The following IDH2 variants were observed in gnomAD, a reference collection of about 807,000 sequenced individuals.
The protein encoded by IDH2 is isocitrate dehydrogenase [NADP], mitochondrial.
Under a neutral mutation model 50.5 loss-of-function variants are expected in IDH2, and 18 were observed. That is an observed-to-expected ratio of 0.36 (90% confidence interval 0.25 to 0.53). The LOEUF is 0.53. Among genes scored for constraint, IDH2 ranks in the 20% least tolerant of loss-of-function variants. The pLI, the probability that IDH2 is intolerant of heterozygous loss-of-function variation, is 0.92. For synonymous variants in IDH2, 280 were observed against 239.8 expected, an observed-to-expected ratio of 1.17 and a Z score of -1.55; for missense variants, 518 against 610.7, an observed-to-expected ratio of 0.85 and a Z score of 1.60.
Position 90,084,779 on chromosome 15 carries a change from T to A in IDH2, c.1271+37A>T. 1 of 1,552,586 alleles carries A rather than the reference T, an allele frequency of 6.4e-7. No individual in the cohort carries two copies. Among genetic ancestry groups the A allele is most frequent in the Non-Finnish European group, 8.9e-7 (1 of 1,126,818 alleles). On this transcript the variant is annotated intron_variant, in intron 10 of 10. Coordinates refer to ENST00000330062, the MANE Select transcript of IDH2 (RefSeq NM_002168.4). The surrounding 1 kb of genome is among the most constrained non-coding windows in gnomAD (Gnocchi z 5.0). ...AGGGGTCCCCTGGCTTCCTCCCACATGGCCCCAGGGTCTGCCTACCACCCC... is the reference window on the plus strand; with the variant it reads ...AGGGGTCCCCTGGCTTCCTCCCACAAGGCCCCAGGGTCTGCCTACCACCCC...
At chr15:90,093,880 A>G (rs756053106) in intron 1 of IDH2, among the ~76,000 whole-genome samples, 10 of 149,688 alleles carry the variant, frequency 6.7e-5, no homozygotes, top group Non-Finnish European at 1.3e-4. Flanking sequence ...TTGGCCTCCC[A>G]AAGTGCTGGG....
rs753517179 is a variant in IDH2, at chr15:90,084,230, T to C, written c.*36A>G. 1.3e-5 allele frequency: 21 copies of C among 1,587,678 alleles called. No individual in the cohort carries two copies. Among genetic ancestry groups the C allele is most frequent in the South Asian group, 6.7e-5 (6 of 89,940 alleles). ...TCAGGAGGACCCGCCGGCTCAGCCC[T>C]GGCCCCTCCACTGCAGCCATGGGTG... On this transcript the variant is annotated 3_prime_UTR_variant, in exon 11 of 11. Transcript: ENST00000330062. This position sits in a 1 kb window ranked among gnomAD's most constrained non-coding sequence, Gnocchi z 5.0.
intron 3 of IDH2, among the ~76,000 whole-genome samples, 159 bp from the exon 4 acceptor site, chr15:90,088,906 ATTTTTTTT>A (rs57901991): frequency 4.1e-5 from 4 of 96,514 alleles, no homozygotes; most frequent in East Asian, 5.5e-4. Flanking sequence ...GAGTCTGCCA[ATTTTTTTT>A]TTTTTTTTTT....
chr15:90,097,611 A>G (rs1255967049), intron 1 of IDH2, among the ~76,000 whole-genome samples: 1 of 152,234 alleles, frequency 6.6e-6, no homozygotes, highest in African/African-American at 2.4e-5. Context: ...TGAGGTACCT[A>G]GAATAGTCAA....
At chr15:90,090,218 C>T (rs897353350) in intron 3 of IDH2, among the ~76,000 whole-genome samples, 17 of 152,170 alleles carry the variant, frequency 1.1e-4, no homozygotes, top group African/African-American at 3.9e-4. Context: ...GTGCCCTAAC[C>T]GTGGAACCTG....
At chr15:90,091,451 AC>A (rs1055052174) in intron 2 of IDH2, 101 bp downstream of exon 2, 46 of 800,168 alleles carry the variant, frequency 5.7e-5, no homozygotes, top group South Asian at 4.0e-4. Flanking sequence ...TACCAGGACA[AC>A]GGGGGGGTCC....
chr15:90,096,399 A>C (rs1901181139), intron 1 of IDH2, among the ~76,000 whole-genome samples: 1 of 152,212 alleles, frequency 6.6e-6, no homozygotes, highest in Non-Finnish European at 1.5e-5. Context: ...GATGCTCAAC[A>C]TCACTAATCA....
chr15:90,084,304 T>C lies in IDH2; in HGVS notation c.1321A>G (p.Ile441Val). 6.2e-7 allele frequency: 1 copy of C among 1,614,042 alleles called. No individual in the cohort carries two copies. Among genetic ancestry groups the C allele is most frequent in the Non-Finnish European group, 8.5e-7 (1 of 1,180,002 alleles). Residue 441 changes from isoleucine (I) to valine (V), a missense_variant, in exon 11 of 11, where the codon ATC becomes GTC. Transcript: ENST00000330062. The surrounding 1 kb of genome is among the most constrained non-coding windows in gnomAD (Gnocchi z 5.0). ...FLNTTDFLDT[I>V]KSNLDRALGR... Reference sequence around the variant, plus strand: ...AGGGCTCTGTCCAGGTTGCTCTTGATGGTGTCGAGGAAGTCCGTGGTGTTC... The same window carrying C: ...AGGGCTCTGTCCAGGTTGCTCTTGACGGTGTCGAGGAAGTCCGTGGTGTTC...
rs769970669 is a variant in IDH2, at chr15:90,091,606, C to A, written c.154G>T (p.Glu52Ter). 1 of 1,614,092 alleles carries A rather than the reference C, an allele frequency of 6.2e-7. No individual in the cohort carries two copies. The highest frequency in any genetic ancestry group is 8.5e-7 in the Non-Finnish European group (1 of 1,180,030). ...KRIKVAKPVVEMDGDEMTRII... is the reference protein window; with the variant it reads ...KRIKVAKPVV ...CGGGTCATCTCATCACCATCCATCTCCACCACGGGCTTCGCCACCTTGATC... is the reference window on the plus strand; with the variant it reads ...CGGGTCATCTCATCACCATCCATCTACACCACGGGCTTCGCCACCTTGATC... Residue 52 changes from glutamate to a stop codon, truncating the protein, a stop_gained, in exon 2 of 11, where the codon GAG becomes TAG. Transcript: ENST00000330062. LOFTEE classifies it high-confidence loss of function.
chr15:90,087,176 C>A lies in IDH2; in HGVS notation c.903G>T (p.Ser301=), dbSNP rs371460407. Residue 301 remains serine (S), a synonymous_variant, in exon 7 of 11, where the codon TCG becomes TCT. Transcript: ENST00000330062. ...DDMVAQVLKS[S]GGFVWACKNY... ...TCTTGCAGGCCCACACAAAGCCACC[C>A]GAAGACTTGAGGACCTGAGCCACCA... The A allele has an allele frequency of 6.2e-7, 1 of 1,614,122 alleles. No homozygotes were observed. The highest frequency in any genetic ancestry group is 1.3e-5 in the African/African-American group (1 of 75,026).
intron 1 of IDH2, among the ~76,000 whole-genome samples, chr15:90,092,909 C>A (rs1901082108): frequency 6.6e-6 from 1 of 152,166 alleles, no homozygotes; most frequent in African/African-American, 2.4e-5. Flanking sequence ...GAGATGGAGT[C>A]TTGCCCTGTT....
chr15:90,088,676 G>A lies in IDH2; in HGVS notation c.445C>T (p.Arg149Trp), dbSNP rs777305434. ...IRNILGGTVFREPIICKNIPR... is the reference protein window; with the variant it reads ...IRNILGGTVFWEPIICKNIPR... ...ATGTTTTTGCAGATGATGGGCTCCC[G>A]GAAGACAGTCCCCCCCAGGATGTTC... Residue 149 changes from arginine (R) to tryptophan (W), a missense_variant, in exon 4 of 11, where the codon CGG becomes TGG. Around this residue, in one of 5 missense-constraint regions of IDH2, gnomAD observed 207 missense variants for 208.6 expected, o/e 0.99. Coordinates refer to ENST00000330062, the MANE Select transcript of IDH2 (RefSeq NM_002168.4). 8 of 1,613,970 alleles carry A rather than the reference G, an allele frequency of 5.0e-6. No homozygotes were observed. Among genetic ancestry groups the A allele is most frequent in the Non-Finnish European group, 6.8e-6 (8 of 1,180,010 alleles).
At chr15:90,095,472 T>TA (rs10622800) in intron 1 of IDH2, among the ~76,000 whole-genome samples, 5,942 of 143,406 alleles carry the variant, frequency 0.041, 318 homozygotes, top group African/African-American at 0.12. Flanking sequence ...TCAAATTTGT[T>TA]AAAAAAAAAA....
Position 90,085,471 on chromosome 15 carries a change from A to G in IDH2, c.968-84T>C. 2.2e-6 allele frequency: 2 copies of G among 918,858 alleles called. No individual in the cohort carries two copies. Among genetic ancestry groups the G allele is most frequent in the East Asian group, 5.3e-5 (2 of 38,082 alleles). 56.9% of individuals were successfully genotyped at this position (918,858 alleles called of 1,614,324 possible). ...GCCCTGCTGCCCTCTACAACCCAAT[A>G]TTGTAGCTGCCATAGTTCGTGGCTC... On this transcript the variant is annotated intron_variant, in intron 7 of 10. Coordinates refer to ENST00000330062, the MANE Select transcript of IDH2 (RefSeq NM_002168.4). The surrounding 1 kb of genome is among the most constrained non-coding windows in gnomAD (Gnocchi z 5.5).
chr15:90,089,426 G>A (rs1408417893), intron 3 of IDH2, among the ~76,000 whole-genome samples: 1 of 152,172 alleles, frequency 6.6e-6, no homozygotes, highest in Non-Finnish European at 1.5e-5. Context: ...CCGGGGGAAG[G>A]ACTTGTCTGA....
Position 90,087,805 on chromosome 15 carries a change from C to A in IDH2, c.679-230G>T, listed in dbSNP as rs62019175. Reference sequence around the variant, plus strand: ...TTTTTTTTTTTTTTGGAAAACACCGCCTTTTTTTTTTTTTTTTTGGAAACA... The same window carrying A: ...TTTTTTTTTTTTTTGGAAAACACCGACTTTTTTTTTTTTTTTTTGGAAACA... On this transcript the variant is annotated intron_variant, in intron 5 of 10. Coordinates refer to ENST00000330062, the MANE Select transcript of IDH2 (RefSeq NM_002168.4). Among the ~76,000 whole-genome samples, 17 of 142,798 alleles carry A rather than the reference C, an allele frequency of 1.2e-4. 1 individual carries two copies. The highest frequency in any genetic ancestry group is 3.1e-4 in the African/African-American group (11 of 35,786). The allele number at this position is 142,798 out of a possible 152,430, so 93.7% of individuals were successfully genotyped here. A position where few individuals can be genotyped will look rare whatever the true frequency, so the allele number is the denominator to read the frequency against.
chr15:90,090,310 G>A (rs546691538), intron 3 of IDH2, among the ~76,000 whole-genome samples, 169 bp downstream of exon 3: 1 of 152,340 alleles, frequency 6.6e-6, no homozygotes, highest in African/African-American at 2.4e-5. Context: ...CACACACAGG[G>A]AGACTGGCCT....
intron 5 of IDH2, 101 bp from the exon 6 acceptor site, chr15:90,087,676 C>T: frequency 7.2e-7 from 1 of 1,381,632 alleles, no homozygotes; most frequent in Non-Finnish European, 1.0e-6. Flanking sequence ...AGGAACGGTA[C>T]CCCGCCGCCC....
intron 5 of IDH2, among the ~76,000 whole-genome samples, 162 bp downstream of exon 5, chr15:90,088,197 G>A (rs899350296): frequency 6.6e-6 from 1 of 152,214 alleles, no homozygotes; most frequent in South Asian, 2.1e-4. Flanking sequence ...CTCCCAAAAT[G>A]CCGGGATTAC....
Sources: gnomAD v4.1 joint callset for allele counts (sites outside exome capture counted in the v4.1 genomes callset) on GRCh38, gnomAD v4.1.1 for gene constraint, gnomAD v4.1.1 regional missense constraint, Gnocchi (gnomAD v3.1) non-coding constraint, MANE v1.5 for transcripts, NCBI Gene and HGNC (gene_info 2026-07-23, HGNC 2026-07-21) for gene names.